CACNA1C: variants seen among roughly 807,000 people sequenced by gnomAD.
The protein encoded by CACNA1C is voltage-dependent L-type calcium channel subunit alpha-1C.
Under a neutral mutation model 229.0 loss-of-function variants are expected in CACNA1C, and 30 were observed. That is an observed-to-expected ratio of 0.13 (90% CI 0.10 to 0.18). The LOEUF (loss-of-function observed/expected upper bound fraction) is 0.18. Among genes scored for constraint, CACNA1C ranks in the 10% least tolerant of loss-of-function variants. The pLI, the probability that CACNA1C is intolerant of heterozygous loss-of-function variation, is 1.00. For missense variants in CACNA1C, 1,658 were observed against 2,845.0 expected (o/e 0.58, Z 9.49); for synonymous variants, 1,114 against 1,132.5 (o/e 0.98, Z 0.33).
chr12:2,359,753 G>A (rs1157873409), intron 3 of CACNA1C, among the ~76,000 whole-genome samples: 1 of 152,056 alleles, frequency 6.6e-6, no homozygotes, highest in Non-Finnish European at 1.5e-5. Flanking sequence ...CTAGTAATAG[G>A]CTTCCAGTTT....
Position 2,608,652 on chromosome 12 carries a change from C to T in CACNA1C, c.3498C>T (p.Ile1166=), listed in dbSNP as rs201147949. 16 of 1,614,150 alleles carry T rather than the reference C, an allele frequency of 9.9e-6. No homozygotes were observed. The South Asian group carries it at 1.2e-4, about 12-fold the overall frequency. Residue 1166 remains isoleucine, a synonymous_variant, in exon 27 of 47, where the codon ATC becomes ATT. Coordinates refer to ENST00000399655, the MANE Select transcript of CACNA1C (RefSeq NM_000719.7). The surrounding 1 kb of genome is among the most constrained non-coding windows in gnomAD (Gnocchi z 4.2). ...TGAACATCTTCGTGGGCTTCGTCAT[C>T]GTCACCTTTCAGGAGCAGGGGGAGC... The part of the protein sequence containing the change: ...FMMNIFVGFV[I]VTFQEQGEQE...
At chr12:2,339,757 C>G (rs1046132982) in intron 3 of CACNA1C, among the ~76,000 whole-genome samples, 18 of 152,274 alleles carry the variant, frequency 1.2e-4, no homozygotes, top group African/African-American at 4.3e-4. Context: ...CCTTATGAGA[C>G]CACCATTGTG....
At chr12:2,150,417 G>T (rs1003157024) in intron 3 of CACNA1C, among the ~76,000 whole-genome samples, 1 of 152,166 alleles carries the variant, frequency 6.6e-6, no homozygotes, top group African/African-American at 2.4e-5. Context: ...CAGAGTAGGG[G>T]AATTCCAGGA....
intron 3 of CACNA1C, among the ~76,000 whole-genome samples, chr12:2,135,730 T>C (rs1455271551): frequency 2.1e-5 from 3 of 146,284 alleles, no homozygotes; most frequent in Non-Finnish European, 4.5e-5. Context: ...CAGGGACATT[T>C]AAGTCTGCAG....
rs139079067 is a variant in CACNA1C, at chr12:2,488,949, T to G, written c.916+2687T>G. The stretch of plus-strand genomic sequence containing the variant: ...ATCAAGCCCTTGTCCACCCACAGAG[T>G]GGGCAGTGCAGACAAGGAGGGAAAA... On this transcript the variant is annotated intron_variant, in intron 6 of 46. Coordinates refer to ENST00000399655, the MANE Select transcript of CACNA1C (RefSeq NM_000719.7). The surrounding 1 kb of genome is among the most constrained non-coding windows in gnomAD (Gnocchi z 4.0). Among the ~76,000 whole-genome samples, 1,350 of 152,262 alleles carry G rather than the reference T, an allele frequency of 8.9e-3. 23 individuals carry two copies. Among genetic ancestry groups the G allele is most frequent in the African/African-American group, 0.03 (1,249 of 41,544 alleles).
At chr12:2,635,846 G>T (rs2092534749) in intron 30 of CACNA1C, among the ~76,000 whole-genome samples, 1 of 152,090 alleles carries the variant, frequency 6.6e-6, no homozygotes, top group Non-Finnish European at 1.5e-5. Flanking sequence ...GTGTGTGTGA[G>T]CATGTGTGCA....
intron 43 of CACNA1C, 97 bp downstream of exon 43, chr12:2,682,775 T>G: frequency 8.4e-7 from 1 of 1,197,228 alleles, no homozygotes; most frequent in South Asian, 1.4e-5. Flanking sequence ...TGGGGCTGAT[T>G]GCAGGAGGAG....
intron 3 of CACNA1C, among the ~76,000 whole-genome samples, chr12:2,232,915 G>A (rs1600031385): frequency 1.3e-5 from 2 of 152,134 alleles, no homozygotes; most frequent in South Asian, 2.1e-4. Flanking sequence ...TGGCTTCTGT[G>A]CCTCTTGACA....
chr12:2,666,046 G>T lies in CACNA1C; in HGVS notation c.4526+338G>T, dbSNP rs773356571. Among the ~76,000 whole-genome samples the T allele has an allele frequency of 6.6e-6, 1 of 152,082 alleles. No homozygotes were observed. Among genetic ancestry groups the T allele is most frequent in the Non-Finnish European group, 1.5e-5 (1 of 68,012 alleles). ...TCTACTAAAAATACAAAAATTAGCC[G>T]GACATGGTGGCACATGCCTATAATC... On this transcript the variant is annotated intron_variant, in intron 36 of 46. Transcript: ENST00000399655. This position sits in a 1 kb window ranked among gnomAD's most constrained non-coding sequence, Gnocchi z 5.3.
rs551561606 is a variant in CACNA1C at position 2,223,067 on chromosome 12, C to T, written c.477+102637C>T. ...CACGCACATAAATGCTGATGAACAG[C>T]TCAGCAGGCACTTAATTTTTAAATC... On this transcript the variant is annotated intron_variant, in intron 3 of 46. Transcript: ENST00000399655. Among the ~76,000 whole-genome samples, 3 of 152,334 alleles carry T rather than the reference C, an allele frequency of 2.0e-5. No homozygotes were observed. In the East Asian group the frequency reaches 5.8e-4, roughly 29 times the overall value.
At chr12:2,583,242 C>T (rs560572982) in intron 15 of CACNA1C, among the ~76,000 whole-genome samples, 2 of 152,314 alleles carry the variant, frequency 1.3e-5, no homozygotes, top group African/African-American at 4.8e-5. Flanking sequence ...ACACCGCCTG[C>T]GATAGGGACG....
intron 34 of CACNA1C, chr12:2,660,669 C>T (rs2095665598): frequency 6.6e-6 from 1 of 151,870 alleles, no homozygotes; most frequent in Non-Finnish European, 1.5e-5. Flanking sequence ...ACTAAAAATA[C>T]AAAAATTAGC....
At chr12:2,308,306 A>G (rs1040384975) in intron 3 of CACNA1C, among the ~76,000 whole-genome samples, 1 of 152,156 alleles carries the variant, frequency 6.6e-6, no homozygotes, top group Non-Finnish European at 1.5e-5. Flanking sequence ...TTGGATATTA[A>G]CCCCTTATCA....
At chr12:2,148,806 A>C (rs2094960061) in intron 3 of CACNA1C, among the ~76,000 whole-genome samples, 3 of 140,926 alleles carry the variant, frequency 2.1e-5, no homozygotes, top group African/African-American at 7.4e-5. Flanking sequence ...TCGACCTCCA[A>C]AGTACCCTCC....
chr12:2,578,017 C>T lies in CACNA1C; in HGVS notation c.1896-3573C>T, dbSNP rs571973512. On this transcript the variant is annotated intron_variant, in intron 13 of 46. Transcript: ENST00000399655. ...CCGAGTAGCTGGGACTACAGGCGCC[C>T]GCTACCACACCCGGCTAATTTTTTG... Among the ~76,000 whole-genome samples, 66 of 151,386 alleles carry T rather than the reference C, an allele frequency of 4.4e-4. No homozygotes were observed. In the East Asian group the frequency reaches 5.4e-3, roughly 12 times the overall value.
intron 1 of CACNA1C, among the ~76,000 whole-genome samples, chr12:2,022,080 C>G (rs1221388415): frequency 6.6e-6 from 1 of 152,196 alleles, no homozygotes. Context: ...CTCCCCACAT[C>G]TGTATGGGTT....
Position 2,610,552 on chromosome 12 carries a change from G to T in CACNA1C, c.3570G>T (p.Val1190=), listed in dbSNP as rs1182990232. Residue 1190 remains valine, a synonymous_variant, in exon 28 of 47, where the codon GTG becomes GTT. Transcript: ENST00000399655. ...CELDKNQRQC[V]EYALKARPLR... is the part of the protein sequence containing the mutation. Reference sequence around the variant, plus strand: ...CACCACCCTCCCAGCGACAGTGCGTGGAATACGCCCTCAAGGCCCGGCCCC... The same window carrying T: ...CACCACCCTCCCAGCGACAGTGCGTTGAATACGCCCTCAAGGCCCGGCCCC... The T allele has an allele frequency of 1.2e-6, 2 of 1,613,456 alleles. No individual in the cohort carries two copies. Among genetic ancestry groups the T allele is most frequent in the Admixed American group, 1.7e-5 (1 of 59,990 alleles).
chr12:2,551,359 C>T (rs2099902265), intron 10 of CACNA1C, among the ~76,000 whole-genome samples: 1 of 152,224 alleles, frequency 6.6e-6, no homozygotes, highest in African/African-American at 2.4e-5. Context: ...TGGCAGTCTC[C>T]AGTGGATCTG....
chr12:2,048,303 C>T (rs2051434526), upstream of CACNA1C: 1 of 152,156 alleles, frequency 6.6e-6, no homozygotes, highest in African/African-American at 2.4e-5. Flanking sequence ...GTGCGTGGCC[C>T]TATGTGGAGA....
Sources: allele counts gnomAD v4.1 joint callset (sites outside exome capture counted in the v4.1 genomes callset), GRCh38; gene constraint gnomAD v4.1.1; non-coding constraint Gnocchi (gnomAD v3.1); transcripts MANE v1.5; gene names NCBI Gene and HGNC (gene_info 2026-07-23, HGNC 2026-07-21).